Variants in TRPC6 observed in about 807,000 individuals in gnomAD.
TRPC6 encodes transient receptor potential cation channel subfamily C member 6.
Under a neutral mutation model 90.7 loss-of-function variants are expected in TRPC6, and 55 were observed. That is an observed-to-expected ratio of 0.61 (90% CI 0.49 to 0.76). The LOEUF (loss-of-function observed/expected upper bound fraction) is 0.76. TRPC6 is among the 30% of genes least tolerant of loss of function. TRPC6 has a pLI of 0.00. For synonymous variants in TRPC6, 393 were observed against 393.0 expected (o/e 1.00, Z 0.00); for missense variants, 989 against 1,122.7 (o/e 0.88, Z 1.70).
chr11:101,499,622 C>CAATATAAAATGTGTATATATATATATAT lies in TRPC6; in HGVS notation c.945+4401_945+4402insATATATATATATATACACATTTTATATT, dbSNP rs1466113112. On this transcript the variant is annotated intron_variant, in intron 2 of 12. Coordinates refer to ENST00000344327, the MANE Select transcript of TRPC6 (RefSeq NM_004621.6). ...CGTATATATGGTATATATATATACA[C>CAATATAAAATGTGTATATATATATATAT]ACACAATATAAAATGTGTATATATA... Among the ~76,000 whole-genome samples the CAATATAAAATGTGTATATATATATATAT allele has an allele frequency of 4.4e-5, 3 of 67,654 alleles. 1 individual carries two copies. Among genetic ancestry groups the CAATATAAAATGTGTATATATATATATAT allele is most frequent in the Non-Finnish European group, 9.1e-5 (3 of 32,882 alleles). 44.4% of individuals were successfully genotyped at this position (67,654 alleles called of 152,430 possible).
chr11:101,486,202 T>C (rs1420771399), intron 4 of TRPC6, among the ~76,000 whole-genome samples: 1 of 152,140 alleles, frequency 6.6e-6, no homozygotes, highest in Non-Finnish European at 1.5e-5. Flanking sequence ...AGTTGAGAAT[T>C]GTATTTCTCT....
rs1859287329 is a variant in TRPC6, at chr11:101,471,297, A to T, written c.2295T>A (p.Asn765Lys). ...EEGRTLPVPFNLVPSPKSLFY... is the reference protein window; with the variant it reads ...EEGRTLPVPFKLVPSPKSLFY... ...ACAGGGACTTTGGACTCGGCACCAG[A>T]TTGAAGGGTACAGGAAGTGTTCTGC... Residue 765 changes from asparagine to lysine, a missense_variant, in exon 9 of 13, where the codon AAT (asparagine) becomes AAA (lysine). Physicochemically the swap from Asn to Lys is moderately conservative, Grantham distance 94. Transcript: ENST00000344327. The T allele has an allele frequency of 6.2e-7, 1 of 1,613,884 alleles. No individual in the cohort carries two copies.
In TRPC6 at chr11:101,501,206, C is replaced by A. The variant is rs1461281880; in HGVS notation, c.945+2818G>T. ...GTGAGGCTGACCAGGCCTAAGCTAT[C>A]CAGCCCTCAGTGACTTTTATTTCCT... On this transcript the variant is annotated intron_variant, in intron 2 of 12. Transcript: ENST00000344327. Among the ~76,000 whole-genome samples the A allele has an allele frequency of 3.3e-5, 5 of 151,442 alleles. No homozygotes were observed. The East Asian group carries it at 9.7e-4, about 29-fold the overall frequency.
At chr11:101,455,382 A>G (rs1347427065) in intron 10 of TRPC6, 4 of 352,178 alleles carry the variant, frequency 1.1e-5, no homozygotes, top group African/African-American at 8.4e-5. Flanking sequence ...TAACCTTCTC[A>G]CAGATGAATG....
Position 101,476,399 on chromosome 11 carries a change from C to CAA in TRPC6, c.1644_1645dup (p.Trp549PhefsTer17). On this transcript the variant is annotated frameshift_variant, in exon 6 of 13. Coordinates refer to ENST00000344327, the MANE Select transcript of TRPC6 (RefSeq NM_004621.6). LOFTEE classifies it high-confidence loss of function. Reference sequence around the variant, plus strand: ...GATGCTCTGGGCTTTGGAAGCATGCCAAAATGCCATGAATCTCGCAATGAA... The same window carrying CAA: ...GATGCTCTGGGCTTTGGAAGCATGCCAAAAAATGCCATGAATCTCGCAATGAA... 1 of 1,614,032 alleles carries CAA rather than the reference C, an allele frequency of 6.2e-7. No homozygotes were observed. The highest frequency in any genetic ancestry group is 8.5e-7 in the Non-Finnish European group (1 of 1,179,986).
rs1463897495 is a variant in TRPC6, at chr11:101,504,160, G to C, written c.809C>G (p.Ser270Cys). Residue 270 changes from serine to cysteine, a missense_variant, in exon 2 of 13, where the codon TCC becomes TGC. Coordinates refer to ENST00000344327, the MANE Select transcript of TRPC6 (RefSeq NM_004621.6). ...QKQKHDSFSH[S>C]RSRINAYKGL... ...TTTATAGGCATTAATCCTAGATCTGGAGTGGCTAAACGAGTCATGCTTCTG... is the reference window on the plus strand; with the variant it reads ...TTTATAGGCATTAATCCTAGATCTGCAGTGGCTAAACGAGTCATGCTTCTG... 1 of 1,614,138 alleles carries C rather than the reference G, an allele frequency of 6.2e-7. No individual in the cohort carries two copies.
intron 10 of TRPC6, among the ~76,000 whole-genome samples, chr11:101,456,504 T>A (rs181637897): frequency 6.6e-6 from 1 of 152,288 alleles, no homozygotes; most frequent in East Asian, 1.9e-4. Flanking sequence ...CTCATAACCA[T>A]CATGTCTCTG....
At chr11:101,457,479 G>T (rs1190081968) in intron 10 of TRPC6, among the ~76,000 whole-genome samples, 1 of 152,118 alleles carries the variant, frequency 6.6e-6, no homozygotes, top group Non-Finnish European at 1.5e-5. Context: ...TTATATTGCT[G>T]GATACAGGAA....
At chr11:101,572,441 G>A (rs569825733) in intron 1 of TRPC6, among the ~76,000 whole-genome samples, 2 of 152,196 alleles carry the variant, frequency 1.3e-5, no homozygotes, top group Non-Finnish European at 2.9e-5. Context: ...CATTGTGGAA[G>A]ACAGTGTGGC....
intron 3 of TRPC6, among the ~76,000 whole-genome samples, chr11:101,490,410 T>A (rs1819398404): frequency 6.6e-6 from 1 of 152,206 alleles, no homozygotes; most frequent in Non-Finnish European, 1.5e-5. Context: ...AAACATATAT[T>A]ACTTTTATTG....
At chr11:101,505,401 G>A (rs1272493667) in intron 1 of TRPC6, among the ~76,000 whole-genome samples, 1 of 152,132 alleles carries the variant, frequency 6.6e-6, no homozygotes, top group Non-Finnish European at 1.5e-5. Flanking sequence ...CTATAATGGG[G>A]CATCTATCCC....
chr11:101,489,435 A>G (rs1240006190), intron 3 of TRPC6, among the ~76,000 whole-genome samples: 2 of 152,160 alleles, frequency 1.3e-5, no homozygotes, highest in African/African-American at 4.8e-5. Context: ...TCATCTAGAA[A>G]GAGATCAATA....
At chr11:101,503,924 T>C (rs934851070) in intron 2 of TRPC6, 100 bp downstream of exon 2, 7 of 1,427,470 alleles carry the variant, frequency 4.9e-6, no homozygotes, top group Non-Finnish European at 6.9e-6. Context: ...TGACCTAGTG[T>C]CCACAGTAAC....
At chr11:101,538,437 C>A (rs1591120277) in intron 1 of TRPC6, among the ~76,000 whole-genome samples, 1 of 152,172 alleles carries the variant, frequency 6.6e-6, no homozygotes, top group African/African-American at 2.4e-5. Context: ...CTTCCTGGCT[C>A]TGTGGCCCCT....
At chr11:101,555,170 T>C (rs951669298) in intron 1 of TRPC6, among the ~76,000 whole-genome samples, 1 of 152,212 alleles carries the variant, frequency 6.6e-6, no homozygotes, top group African/African-American at 2.4e-5. Context: ...TAGATGATTA[T>C]ACAACTAAAT....
intron 2 of TRPC6, among the ~76,000 whole-genome samples, chr11:101,501,823 A>G (rs1257913040): frequency 2.0e-5 from 3 of 152,156 alleles, no homozygotes; most frequent in African/African-American, 7.2e-5. Context: ...AAAATTGTCA[A>G]GTTCTAGGAT....
In TRPC6 at chr11:101,546,282, C is replaced by T. The variant is rs1435474285; in HGVS notation, c.170+37052G>A. On this transcript the variant is annotated intron_variant, in intron 1 of 12. Coordinates refer to ENST00000344327, the MANE Select transcript of TRPC6 (RefSeq NM_004621.6). ...AGAGACGGGGTTTCACCTTGTTAGC[C>T]AGGATGGTCTCGATCTCCTGACCTC... Among the ~76,000 whole-genome samples, 2 of 120,528 alleles carry T rather than the reference C, an allele frequency of 1.7e-5. 1 individual carries two copies. The highest frequency in any genetic ancestry group is 6.5e-5 in the African/African-American group (2 of 30,830). 79.1% of individuals were successfully genotyped at this position (120,528 alleles called of 152,430 possible). A position where few individuals can be genotyped will look rare whatever the true frequency, so the allele number is the denominator to read the frequency against.
intron 1 of TRPC6, among the ~76,000 whole-genome samples, chr11:101,542,040 C>T (rs977124150): frequency 4.6e-5 from 7 of 152,048 alleles, no homozygotes; most frequent in East Asian, 1.9e-4. Context: ...GAATGGCTGG[C>T]GCATTCTCTA....
intron 1 of TRPC6, among the ~76,000 whole-genome samples, chr11:101,548,708 T>A (rs946807994): frequency 2.6e-5 from 4 of 151,626 alleles, no homozygotes; most frequent in African/African-American, 9.7e-5. Context: ...ATGAAATGAT[T>A]ATTTAAAACT....
Sources: gnomAD v4.1 joint callset for allele counts (sites outside exome capture counted in the v4.1 genomes callset) on GRCh38, gnomAD v4.1.1 for gene constraint, MANE v1.5 for transcripts, NCBI Gene and HGNC (gene_info 2026-07-23, HGNC 2026-07-21) for gene names.